The following LIMCH1 variants were observed in gnomAD, a reference collection of about 807,000 sequenced individuals.
LIMCH1 encodes the protein LIM and calponin homology domains-containing protein 1.
A neutral mutation model predicts 176.5 loss-of-function variants in LIMCH1; 113 were observed. The ratio of observed to expected loss-of-function variants is 0.64; its 90% CI spans 0.55 to 0.75. The LOEUF is 0.75. Ranked by LOEUF, LIMCH1 falls within the 30% of genes least tolerant of loss-of-function variation. LIMCH1 has a pLI of 0.00. For synonymous variants in LIMCH1, 619 were observed against 645.9 expected, an observed-to-expected ratio of 0.96 and a Z score of 0.63; for missense variants, 1,674 against 1,814.9, an observed-to-expected ratio of 0.92 and a Z score of 1.41.
At chr4:41,554,169 C>T (rs2080921936) in intron 1 of LIMCH1, among the ~76,000 whole-genome samples, 1 of 152,176 alleles carries the variant, frequency 6.6e-6, no homozygotes, top group South Asian at 2.1e-4. Flanking sequence ...TTTGCTTCCA[C>T]TTGTATTTAA....
Position 41,589,501 on chromosome 4 carries a change from A to G in LIMCH1, c.-240-9419A>G, listed in dbSNP as rs368098802. 3.9e-5 allele frequency among the ~76,000 whole-genome samples: 6 copies of G among 152,194 alleles called. No individual in the cohort carries two copies. The East Asian group carries it at 9.6e-4, about 24-fold the overall frequency. On this transcript the variant is annotated intron_variant, in intron 1 of 31. Coordinates refer to ENST00000503057, the MANE Select transcript of LIMCH1 (RefSeq NM_001330672.2). ...GGGACAGAGAAGGGTTAGGTTATTC[A>G]GCCAGGAAGGGGCAGAGCTGGGATC...
chr4:41,360,887 C>A lies in LIMCH1; in HGVS notation c.47C>A (p.Pro16His). 1.3e-6 allele frequency: 2 copies of A among 1,588,188 alleles called. No homozygotes were observed. The highest frequency in any genetic ancestry group is 1.2e-5 in the South Asian group (1 of 86,810). The stretch of plus-strand genomic sequence containing the variant: ...CTGGAAGCTCTTCAGCCCCTGCAGC[C>A]CGAGCCGCCCCCCGAGCCCGCCTTC... Residue 16 changes from proline (P) to histidine (H), a missense_variant, in exon 1 of 27, where the codon CCC becomes CAC. Pro to His is a moderately conservative substitution (Grantham distance 77). Coordinates refer to the LIMCH1 transcript ENST00000313860. The surrounding 1 kb of genome is among the most constrained non-coding windows in gnomAD (Gnocchi z 4.5).
intron 1 of LIMCH1, among the ~76,000 whole-genome samples, chr4:41,440,752 C>T (rs1403391458): frequency 1.3e-5 from 2 of 152,032 alleles, no homozygotes; most frequent in African/African-American, 2.4e-5. Context: ...AACCTGGTCT[C>T]GAACTCCTGA....
chr4:41,486,959 T>TACACACACACACATACATAA (rs1554068442), intron 1 of LIMCH1, among the ~76,000 whole-genome samples: 1 of 115,958 alleles, frequency 8.6e-6, no homozygotes, highest in Non-Finnish European at 1.9e-5. Flanking sequence ...TATATATATA[T>TACACACACACACATACATAA]ACACACACAC....
rs1325614327 is a variant in LIMCH1, at chr4:41,700,035, C to T, written c.*2850C>T. ...TAAATGTACATTTATAAATAAAATA[C>T]TCAAATCAACTTTGTATTCCATTAA... On this transcript the variant is annotated 3_prime_UTR_variant, in exon 32 of 32. Coordinates refer to ENST00000503057, the MANE Select transcript of LIMCH1 (RefSeq NM_001330672.2). 6.6e-6 allele frequency: 1 copy of T among 152,138 alleles called. No individual in the cohort carries two copies. The highest frequency in any genetic ancestry group is 1.9e-4 in the East Asian group (1 of 5,200). 9.4% of individuals were successfully genotyped at this position (152,138 alleles called of 1,614,324 possible).
chr4:41,591,857 C>T (rs902083810), intron 1 of LIMCH1, among the ~76,000 whole-genome samples: 5 of 152,318 alleles, frequency 3.3e-5, no homozygotes, highest in Admixed American at 1.3e-4. Flanking sequence ...AAGGGAGCTT[C>T]TCATTCCCTG....
chr4:41,658,152 C>T (rs1218146241), intron 18 of LIMCH1, among the ~76,000 whole-genome samples: 1 of 152,134 alleles, frequency 6.6e-6, no homozygotes, highest in African/African-American at 2.4e-5. Context: ...CTTAACCTCC[C>T]GGGCCTCAGT....
At chr4:41,677,921 CT>C (rs564708061) in intron 23 of LIMCH1, among the ~76,000 whole-genome samples, 1 of 151,976 alleles carries the variant, frequency 6.6e-6, no homozygotes, top group Non-Finnish European at 1.5e-5. Context: ...GAAAGCAATG[CT>C]TTTTTTGACG....
chr4:41,694,450 T>C (rs1003697632), intron 31 of LIMCH1, among the ~76,000 whole-genome samples: 3 of 152,204 alleles, frequency 2.0e-5, no homozygotes, highest in Non-Finnish European at 4.4e-5. Context: ...CCTGGATTTG[T>C]GTTGGTTTTT....
intron 20 of LIMCH1, 127 bp downstream of exon 20, chr4:41,663,111 T>C: frequency 1.1e-6 from 1 of 890,616 alleles, no homozygotes; most frequent in Non-Finnish European, 1.7e-6. Flanking sequence ...TTTTCCTATC[T>C]TTAATCTGTA....
chr4:41,670,485 A>T (rs953073153), intron 21 of LIMCH1, among the ~76,000 whole-genome samples: 1 of 152,214 alleles, frequency 6.6e-6, no homozygotes, highest in African/African-American at 2.4e-5. Flanking sequence ...GTGAAATTTC[A>T]TCTAACACCA....
chr4:41,444,931 C>A (rs1387313607), intron 1 of LIMCH1, among the ~76,000 whole-genome samples: 1 of 152,120 alleles, frequency 6.6e-6, no homozygotes, highest in Non-Finnish European at 1.5e-5. Flanking sequence ...GACAAAGTCA[C>A]CAACTTCTTC....
intron 1 of LIMCH1, among the ~76,000 whole-genome samples, chr4:41,483,871 A>G (rs760469817): frequency 9.2e-5 from 14 of 152,326 alleles, no homozygotes; most frequent in Non-Finnish European, 1.9e-4. Context: ...ATTTTGCTCA[A>G]ATGCTGCACC....
At chr4:41,612,500 G>T in intron 4 of LIMCH1, 5 of 701,840 alleles carry the variant, frequency 7.1e-6, no homozygotes, top group Non-Finnish European at 1.3e-5. Context: ...TTAAATTGAG[G>T]TTTATCTTTG....
intron 20 of LIMCH1, 60 bp downstream of exon 20, chr4:41,663,044 A>C: frequency 6.8e-7 from 1 of 1,475,412 alleles, no homozygotes; most frequent in Non-Finnish European, 9.3e-7. Context: ...CCCATATTAC[A>C]GCTAGCTGCT....
chr4:41,566,620 C>A (rs990305109), intron 1 of LIMCH1, among the ~76,000 whole-genome samples: 1 of 151,956 alleles, frequency 6.6e-6, no homozygotes, highest in Non-Finnish European at 1.5e-5. Flanking sequence ...CATGTTGATA[C>A]AATGTAAGAA....
chr4:41,448,319 G>C (rs1015809457), intron 1 of LIMCH1, among the ~76,000 whole-genome samples: 2 of 152,178 alleles, frequency 1.3e-5, no homozygotes, highest in Non-Finnish European at 2.9e-5. Context: ...AGGTCTGGCT[G>C]ACTGGTTGAG....
chr4:41,676,416 G>T lies in LIMCH1; in HGVS notation c.3473G>T (p.Arg1158Leu), dbSNP rs145925686. 2.5e-6 allele frequency: 4 copies of T among 1,613,928 alleles called. No individual in the cohort carries two copies. Among genetic ancestry groups the T allele is most frequent in the Admixed American group, 1.7e-5 (1 of 60,022 alleles). ...KFWAWDPEEE[R>L]RRQEKWQQEQ... ...TGGGCATGGGACCCAGAAGAGGAGC[G>T]CAGGCGACAGGAAAAATGGCAACAG... Residue 1158 changes from arginine (R) to leucine (L), a missense_variant, in exon 23 of 32, where the codon CGC becomes CTC. This residue lies in a region of LIMCH1 where 1,015 missense variants were observed against 1,102.5 expected (regional missense o/e 0.92). Transcript: ENST00000503057.
intron 29 of LIMCH1, 67 bp downstream of exon 29, chr4:41,687,984 C>A: frequency 7.9e-7 from 1 of 1,273,218 alleles, no homozygotes; most frequent in South Asian, 1.2e-5. Context: ...AGCATCATTT[C>A]AACTGAATTA....
Sources: gnomAD v4.1 joint callset for allele counts (sites outside exome capture counted in the v4.1 genomes callset) on GRCh38, gnomAD v4.1.1 for gene constraint, gnomAD v4.1.1 regional missense constraint, Gnocchi (gnomAD v3.1) non-coding constraint, MANE v1.5 for transcripts, NCBI Gene and HGNC (gene_info 2026-07-23, HGNC 2026-07-21) for gene names.